BLOC1S5: variants seen among roughly 807,000 people sequenced by gnomAD.
BLOC1S5 encodes biogenesis of lysosomal organelles complex 1 subunit 5.
BLOC1S5 carries 27 observed loss-of-function variants against 24.3 expected under a neutral mutation model. The ratio of observed to expected loss-of-function variants is 1.11; its 90% confidence interval spans 0.82 to 1.53. The LOEUF is 1.53. BLOC1S5 is among the 40% of genes most tolerant of loss of function. The pLI is 0.00. For synonymous variants in BLOC1S5, 84 were observed against 74.5 expected (o/e 1.13, Z -0.66); for missense variants, 239 against 229.4 (o/e 1.04, Z -0.27).
Position 8,064,269 on chromosome 6 carries a change from G to A in BLOC1S5, c.108C>T (p.Ile36=), listed in dbSNP as rs757169126. The A allele has an allele frequency of 2.5e-6, 4 of 1,612,892 alleles. No homozygotes were observed. Among genetic ancestry groups the A allele is most frequent in the South Asian group, 2.2e-5 (2 of 90,984 alleles). ...TATAGCCCTGACACTCCGTACCCTT[G>A]ATAATGAGGTGCGCTGAGCCCGCAG... ...LGTAGSAHLI[I]KDLGEIHSRL... is the part of the protein sequence containing the mutation. Residue 36 remains isoleucine, a synonymous_variant, in exon 1 of 5, where the codon ATC becomes ATT. Coordinates refer to ENST00000397457, the MANE Select transcript of BLOC1S5 (RefSeq NM_201280.3).
At chr6:8,042,218 C>T (rs74643085) in intron 2 of BLOC1S5, among the ~76,000 whole-genome samples, 1,658 of 152,246 alleles carry the variant, frequency 0.011, 36 homozygotes, top group African/African-American at 0.038. Context: ...TTAAACACTC[C>T]GATCTGATCT....
intron 2 of BLOC1S5, 102 bp from the exon 3 acceptor site, chr6:8,041,370 T>C: frequency 8.5e-7 from 1 of 1,178,388 alleles, no homozygotes; most frequent in Non-Finnish European, 1.1e-6. Flanking sequence ...TGGAGTGCGG[T>C]GGTGTGATCT....
intron 2 of BLOC1S5, among the ~76,000 whole-genome samples, chr6:8,058,900 T>A (rs1308513241): frequency 6.6e-6 from 1 of 152,252 alleles, no homozygotes; most frequent in Non-Finnish European, 1.5e-5. Context: ...ACTAAACACA[T>A]TCCTTACTGA....
intron 3 of BLOC1S5, among the ~76,000 whole-genome samples, chr6:8,035,427 C>T (rs1404558104): frequency 2.0e-5 from 3 of 151,100 alleles, no homozygotes; most frequent in African/African-American, 7.3e-5. Flanking sequence ...AAAGGCACTT[C>T]ACCTATAAAG....
chr6:8,032,743 A>G (rs1055653530), intron 3 of BLOC1S5, among the ~76,000 whole-genome samples: 2 of 152,228 alleles, frequency 1.3e-5, no homozygotes, highest in African/African-American at 4.8e-5. Flanking sequence ...GTCTCAGCCC[A>G]AAATCTCCTT....
chr6:8,016,391 G>C (rs1039058108), intron 4 of BLOC1S5, among the ~76,000 whole-genome samples: 1 of 151,742 alleles, frequency 6.6e-6, no homozygotes, highest in Non-Finnish European at 1.5e-5. Flanking sequence ...CACAATCCAA[G>C]TATTTTTTCA....
intron 3 of BLOC1S5, among the ~76,000 whole-genome samples, chr6:8,033,738 A>G (rs1437538817): frequency 1.3e-5 from 2 of 152,152 alleles, no homozygotes; most frequent in Non-Finnish European, 2.9e-5. Context: ...ATCTGACAAA[A>G]GGCTAATATC....
At chr6:8,054,282 T>C (rs558998230) in intron 2 of BLOC1S5, 1 of 452,176 alleles carries the variant, frequency 2.2e-6, no homozygotes, top group Admixed American at 2.4e-5. Context: ...TCTCCTTCTA[T>C]TTTCTGATAG....
At chr6:8,049,319 C>T (rs1290018274) in intron 2 of BLOC1S5, among the ~76,000 whole-genome samples, 2 of 151,750 alleles carry the variant, frequency 1.3e-5, no homozygotes, top group South Asian at 2.1e-4. Context: ...TGCAGTGAGC[C>T]GCGATCGCGC....
At chr6:8,053,658 T>C (rs755849399) in intron 2 of BLOC1S5, among the ~76,000 whole-genome samples, 23 of 152,240 alleles carry the variant, frequency 1.5e-4, no homozygotes, top group African/African-American at 4.1e-4. Context: ...ATTCACGTCA[T>C]TGCAGAGGCC....
intron 3 of BLOC1S5, chr6:8,027,375 A>C (rs1286575058): frequency 4.4e-6 from 2 of 456,742 alleles, no homozygotes; most frequent in South Asian, 1.5e-5. Flanking sequence ...TGGTCCTCCT[A>C]TCTCTCAGCA....
At chr6:8,055,024 C>T (rs1480820192) in intron 2 of BLOC1S5, among the ~76,000 whole-genome samples, 1 of 152,108 alleles carries the variant, frequency 6.6e-6, no homozygotes, top group Non-Finnish European at 1.5e-5. Flanking sequence ...TTTCACCTGA[C>T]CTTTTATTTT....
At chr6:8,060,733 A>G (rs1187810792) in intron 2 of BLOC1S5, among the ~76,000 whole-genome samples, 2 of 152,234 alleles carry the variant, frequency 1.3e-5, no homozygotes, top group African/African-American at 4.8e-5. Context: ...TCCACACTCT[A>G]TACATGTAAA....
chr6:8,025,982 C>T (rs1204544605), intron 4 of BLOC1S5, among the ~76,000 whole-genome samples: 1 of 152,168 alleles, frequency 6.6e-6, no homozygotes, highest in Admixed American at 6.5e-5. Flanking sequence ...AAATAACCTA[C>T]ACAGGCATGA....
At chr6:8,040,222 T>C (rs1763631353) in intron 3 of BLOC1S5, among the ~76,000 whole-genome samples, 1 of 152,190 alleles carries the variant, frequency 6.6e-6, no homozygotes, top group South Asian at 2.1e-4. Flanking sequence ...TCAACCATTA[T>C]AAATTTCGGT....
intron 2 of BLOC1S5, among the ~76,000 whole-genome samples, chr6:8,049,040 A>AGGAGG (rs1764011668): frequency 1.3e-5 from 1 of 78,062 alleles, no homozygotes; most frequent in Non-Finnish European, 2.4e-5. Context: ...AAGAAAGAAG[A>AGGAGG]GGAGGGGAGG....
intron 4 of BLOC1S5, among the ~76,000 whole-genome samples, chr6:8,021,470 G>A (rs907678635): frequency 5.3e-5 from 8 of 152,114 alleles, no homozygotes; most frequent in Non-Finnish European, 1.0e-4. Flanking sequence ...ATGATGGCGG[G>A]CACCTGTTGT....
At chr6:8,025,134 T>G (rs569932417) in intron 4 of BLOC1S5, among the ~76,000 whole-genome samples, 1 of 152,228 alleles carries the variant, frequency 6.6e-6, no homozygotes, top group African/African-American at 2.4e-5. Context: ...CCCAAAAAGT[T>G]CTTAGTAATG....
intron 3 of BLOC1S5, among the ~76,000 whole-genome samples, chr6:8,036,919 A>G (rs554383633): frequency 6.6e-6 from 1 of 152,340 alleles, no homozygotes; most frequent in African/African-American, 2.4e-5. Context: ...AGATGCTAAA[A>G]AAGCATTTGA....
Sources: gnomAD v4.1 joint callset for allele counts (sites outside exome capture counted in the v4.1 genomes callset) on GRCh38, gnomAD v4.1.1 for gene constraint, MANE v1.5 for transcripts, NCBI Gene and HGNC (gene_info 2026-07-23, HGNC 2026-07-21) for gene names.